CHN1: variants seen among roughly 807,000 people sequenced by gnomAD.
CHN1 encodes chimerin 1.
A neutral mutation model predicts 59.5 loss-of-function variants in CHN1; 37 were observed. The ratio of observed to expected loss-of-function variants is 0.62; its 90% CI spans 0.48 to 0.82. CHN1 has a LOEUF of 0.82. Ranked by LOEUF, CHN1 falls within the 40% of genes least tolerant of loss-of-function variation. CHN1 has a pLI of 0.00. For missense variants in CHN1, 469 were observed against 571.0 expected, an observed-to-expected ratio of 0.82 and a Z score of 1.82; for synonymous variants, 206 against 200.4, an observed-to-expected ratio of 1.03 and a Z score of -0.24.
chr2:174,913,799 G>A (rs1688762753), intron 5 of CHN1, among the ~76,000 whole-genome samples: 1 of 152,140 alleles, frequency 6.6e-6, no homozygotes, highest in Non-Finnish European at 1.5e-5. Context: ...ATAAGTGATT[G>A]GAGAAGGAAT....
At chr2:174,869,744 A>C (rs918500880) in intron 6 of CHN1, among the ~76,000 whole-genome samples, 1 of 152,178 alleles carries the variant, frequency 6.6e-6, no homozygotes, top group Non-Finnish European at 1.5e-5. Context: ...ATAAATAAAA[A>C]CAGAACTTTC....
At chr2:174,936,210 C>G (rs2105394004) in intron 3 of CHN1, among the ~76,000 whole-genome samples, 1 of 152,186 alleles carries the variant, frequency 6.6e-6, no homozygotes, top group East Asian at 1.9e-4. Flanking sequence ...GCAACACTAA[C>G]TTGAAAAATG....
chr2:174,952,856 G>C (rs1400937481), intron 1 of CHN1, among the ~76,000 whole-genome samples: 2 of 152,186 alleles, frequency 1.3e-5, no homozygotes, highest in African/African-American at 4.8e-5. Context: ...GAGTGCAGAT[G>C]TAGGAGACAG....
At chr2:174,803,758 T>C (rs1395546186) in intron 11 of CHN1, among the ~76,000 whole-genome samples, 1 of 152,092 alleles carries the variant, frequency 6.6e-6, no homozygotes, top group African/African-American at 2.4e-5. Context: ...CTCACTATGT[T>C]GCCCAGGCTG....
intron 5 of CHN1, among the ~76,000 whole-genome samples, chr2:174,906,387 G>A (rs1688543251): frequency 6.6e-6 from 1 of 152,142 alleles, no homozygotes; most frequent in East Asian, 1.9e-4. Flanking sequence ...TATATGAAAT[G>A]TCTAGGTTGT....
In CHN1 at chr2:174,813,737, C is replaced by G. The variant is rs368064845; in HGVS notation, c.713-1255G>C. The stretch of plus-strand genomic sequence containing the variant: ...AACTTTATGTTGACCTCTTGTAAAT[C>G]TAGTCCAAGTGGTGCATATATGATT... On this transcript the variant is annotated intron_variant, in intron 8 of 12. Coordinates refer to ENST00000409900, the MANE Select transcript of CHN1 (RefSeq NM_001822.7). 8.5e-5 allele frequency among the ~76,000 whole-genome samples: 13 copies of G among 152,176 alleles called. 1 individual carries two copies. The East Asian group carries it at 1.2e-3, about 14-fold the overall frequency.
Position 174,799,394 on chromosome 2 carries a change from ATTT to A in CHN1, c.*719_*721del, listed in dbSNP as rs1292278256. ...TATGAGAAAAAAGTAAGCTATCAAT[ATTT>A]TTTATTTCTAAAAGCCAATTTAATA... is the stretch of plus-strand genomic sequence containing the variant. On this transcript the variant is annotated 3_prime_UTR_variant, in exon 13 of 13. Coordinates refer to ENST00000409900, the MANE Select transcript of CHN1 (RefSeq NM_001822.7). 2.5e-5 allele frequency: 11 copies of A among 431,586 alleles called. No individual in the cohort carries two copies. The highest frequency in any genetic ancestry group is 2.4e-4 in the East Asian group (5 of 20,678). 26.7% of individuals were successfully genotyped at this position (431,586 alleles called of 1,614,324 possible).
intron 6 of CHN1, among the ~76,000 whole-genome samples, chr2:174,861,797 G>A (rs1165777621): frequency 1.3e-5 from 2 of 152,194 alleles, no homozygotes; most frequent in Non-Finnish European, 2.9e-5. Flanking sequence ...GAAATAAGAA[G>A]GATGTTTAGG....
intron 3 of CHN1, among the ~76,000 whole-genome samples, chr2:174,922,566 C>T (rs979449754): frequency 6.6e-6 from 1 of 152,046 alleles, no homozygotes; most frequent in Admixed American, 6.6e-5. Flanking sequence ...TGGCACATGC[C>T]TGTAGTCCTA....
intron 5 of CHN1, among the ~76,000 whole-genome samples, chr2:174,883,419 A>T (rs118004979): frequency 0.011 from 1,703 of 152,330 alleles, 23 homozygotes; most frequent in East Asian, 0.029. Flanking sequence ...CCATGAGGCT[A>T]TCGGAAGGCT....
At chr2:174,806,820 C>A (rs988317536) in intron 11 of CHN1, among the ~76,000 whole-genome samples, 1 of 152,200 alleles carries the variant, frequency 6.6e-6, no homozygotes, top group African/African-American at 2.4e-5. Flanking sequence ...AAGAATGAAA[C>A]AGACTCTACT....
chr2:174,864,142 CTTTTT>C (rs983848376), intron 6 of CHN1, among the ~76,000 whole-genome samples: 1 of 151,764 alleles, frequency 6.6e-6, no homozygotes, highest in South Asian at 2.1e-4. Flanking sequence ...TTTTCTTTTT[CTTTTT>C]TTTAACTTCT....
chr2:174,950,979 A>G (rs991364972), intron 2 of CHN1, among the ~76,000 whole-genome samples: 21 of 152,006 alleles, frequency 1.4e-4, no homozygotes, highest in Admixed American at 2.0e-4. Context: ...GGGTTTCACC[A>G]TGTTGGCCAG....
At chr2:174,813,032 A>G (rs1015596832) in intron 8 of CHN1, among the ~76,000 whole-genome samples, 1 of 152,190 alleles carries the variant, frequency 6.6e-6, no homozygotes, top group Admixed American at 6.6e-5. Flanking sequence ...ATTTATTGCT[A>G]TACTATTACC....
intron 5 of CHN1, among the ~76,000 whole-genome samples, chr2:174,906,172 T>C (rs1014498987): frequency 6.6e-6 from 1 of 152,184 alleles, no homozygotes; most frequent in Non-Finnish European, 1.5e-5. Flanking sequence ...ACAATTTTAT[T>C]CATAATAACA....
chr2:174,831,059 G>A (rs1009036537), intron 7 of CHN1, among the ~76,000 whole-genome samples: 1 of 152,134 alleles, frequency 6.6e-6, no homozygotes, highest in African/African-American at 2.4e-5. Context: ...GGTAAAATAT[G>A]ATCATACTAT....
chr2:174,844,621 T>C (rs988914857), intron 7 of CHN1, among the ~76,000 whole-genome samples: 1 of 152,186 alleles, frequency 6.6e-6, no homozygotes, highest in Non-Finnish European at 1.5e-5. Context: ...TACATAGATG[T>C]GTATATCACA....
rs75428058 is a variant in CHN1, at chr2:174,845,476, T to C, written c.627+1404A>G. On this transcript the variant is annotated intron_variant, in intron 7 of 12. Transcript: ENST00000409900. ...TAGAAGCCTGAATGTATTGCTTAGG[T>C]TCCTAAATGAAAGATGTAGTGAATG... Among the ~76,000 whole-genome samples the C allele has an allele frequency of 2.4e-3, 358 of 152,196 alleles. 5 individuals are homozygous for C. The highest frequency in any genetic ancestry group is 7.7e-3 in the African/African-American group (318 of 41,544).
intron 5 of CHN1, among the ~76,000 whole-genome samples, chr2:174,913,488 A>T (rs1038312604): frequency 6.6e-6 from 1 of 152,188 alleles, no homozygotes; most frequent in Non-Finnish European, 1.5e-5. Context: ...CTTCTAATTC[A>T]ATTAATGGTA....
Sources: allele counts gnomAD v4.1 joint callset (sites outside exome capture counted in the v4.1 genomes callset), GRCh38; gene constraint gnomAD v4.1.1; transcripts MANE v1.5; gene names NCBI Gene and HGNC (gene_info 2026-07-23, HGNC 2026-07-21).